Variants in RBFOX2 observed in about 807,000 individuals in gnomAD.
The protein encoded by RBFOX2 is RNA binding fox-1 homolog 2.
A neutral mutation model predicts 49.1 loss-of-function variants in RBFOX2; 10 were observed. The ratio of observed to expected loss-of-function variants is 0.20; its 90% CI spans 0.13 to 0.35. The LOEUF is 0.35. Among genes scored for constraint, RBFOX2 ranks in the 10% least tolerant of loss-of-function variants. The pLI is 1.00. For missense variants in RBFOX2, 323 were observed against 486.9 expected, an observed-to-expected ratio of 0.66 and a Z score of 3.17; for synonymous variants, 183 against 187.4, an observed-to-expected ratio of 0.98 and a Z score of 0.19.
At chr22:35,767,296 TTTTC>T (rs1406899811) in intron 5 of RBFOX2, among the ~76,000 whole-genome samples, 1 of 152,146 alleles carries the variant, frequency 6.6e-6, no homozygotes, top group Non-Finnish European at 1.5e-5. Context: ...CAGATGGACT[TTTTC>T]TTTCTTATTT....
chr22:35,868,077 T>C (rs1178655503), intron 1 of RBFOX2, among the ~76,000 whole-genome samples: 1 of 151,578 alleles, frequency 6.6e-6, no homozygotes, highest in Non-Finnish European at 1.5e-5. Flanking sequence ...CTGGGTGTGG[T>C]GGTGTGAGCC....
chr22:36,013,648 C>CAGAGAG (rs373268996), intron 1 of RBFOX2, among the ~76,000 whole-genome samples: 27 of 147,974 alleles, frequency 1.8e-4, no homozygotes, highest in African/African-American at 6.2e-4. Flanking sequence ...CACACACACA[C>CAGAGAG]AGAGAGAGAG....
chr22:35,926,127 GT>G (rs1332562160), intron 1 of RBFOX2, among the ~76,000 whole-genome samples: 2 of 152,150 alleles, frequency 1.3e-5, no homozygotes, highest in Non-Finnish European at 2.9e-5. Flanking sequence ...TAATTAGTTG[GT>G]TTCATTCTAA....
At chr22:35,977,136 T>C (rs1439106561) in intron 1 of RBFOX2, among the ~76,000 whole-genome samples, 2 of 151,854 alleles carry the variant, frequency 1.3e-5, no homozygotes, top group African/African-American at 2.4e-5. Context: ...CGAAGAGATA[T>C]CCATTATATA....
At chr22:36,009,802 T>G (rs923122427) in intron 1 of RBFOX2, among the ~76,000 whole-genome samples, 1 of 152,222 alleles carries the variant, frequency 6.6e-6, no homozygotes, top group Admixed American at 6.5e-5. Flanking sequence ...TTCACATATA[T>G]TCTGTGACTA....
At chr22:35,962,033 G>C (rs1010342826), upstream of RBFOX2, among the ~76,000 whole-genome samples, 2 of 152,120 alleles carry the variant, frequency 1.3e-5, no homozygotes, top group African/African-American at 4.8e-5. Context: ...CTCCCAACAG[G>C]AGAATTTTTA....
At chr22:35,961,549 A>G (rs1603458893) in intron 1 of RBFOX2, 1 of 1,303,318 alleles carries the variant, frequency 7.7e-7, no homozygotes. Context: ...CCACACACCC[A>G]ACTCCCCACC....
chr22:35,995,340 T>C (rs894143562), intron 1 of RBFOX2: 1 of 152,200 alleles, frequency 6.6e-6, no homozygotes, highest in African/African-American at 2.4e-5. Context: ...AACATTTGCC[T>C]TTCTCCAAAC....
At chr22:36,016,070 G>C (rs2059022257) in intron 1 of RBFOX2, among the ~76,000 whole-genome samples, 1 of 152,042 alleles carries the variant, frequency 6.6e-6, no homozygotes, top group African/African-American at 2.4e-5. Context: ...TCCTGTCTCA[G>C]AACAAGCCAC....
chr22:35,803,776 A>C (rs1436041995), intron 2 of RBFOX2, among the ~76,000 whole-genome samples: 2 of 151,450 alleles, frequency 1.3e-5, no homozygotes, highest in South Asian at 4.2e-4. Context: ...AACTGAAAGA[A>C]AAAAAATCAC....
At chr22:36,008,041 G>T (rs2058682965) in intron 1 of RBFOX2, among the ~76,000 whole-genome samples, 1 of 152,184 alleles carries the variant, frequency 6.6e-6, no homozygotes, top group African/African-American at 2.4e-5. Context: ...ATTCCTGGAA[G>T]TGGAACTGTT....
chr22:35,983,443 C>A (rs2057556108), intron 1 of RBFOX2, among the ~76,000 whole-genome samples: 1 of 151,978 alleles, frequency 6.6e-6, no homozygotes, highest in African/African-American at 2.4e-5. Flanking sequence ...CATTTTTTTA[C>A]CTGGATTTTT....
chr22:35,981,729 TAGGAA>T (rs2057465387), intron 1 of RBFOX2, among the ~76,000 whole-genome samples: 2 of 152,188 alleles, frequency 1.3e-5, no homozygotes, highest in South Asian at 4.1e-4. Flanking sequence ...GTCAATCCCT[TAGGAA>T]AATTGAATAT....
chr22:35,867,194 A>T (rs2043793145), intron 1 of RBFOX2, among the ~76,000 whole-genome samples: 1 of 152,220 alleles, frequency 6.6e-6, no homozygotes, highest in Admixed American at 6.5e-5. Context: ...AGATATATTC[A>T]CTACCTTTCC....
intron 1 of RBFOX2, among the ~76,000 whole-genome samples, chr22:36,016,933 A>T (rs1268477236): frequency 6.6e-6 from 1 of 152,158 alleles, no homozygotes; most frequent in Non-Finnish European, 1.5e-5. Flanking sequence ...ATTCATTTAG[A>T]ATAGAAAAGG....
rs1040275757 is a variant in RBFOX2, at chr22:35,777,909, T to C, written c.453+116A>G. ...AGATAATCTAAACCAAGGTGGATAA[T>C]TAGGATACTTTTATGCAGGCTTGAA... On this transcript the variant is annotated intron_variant, in intron 4 of 11. Transcript: ENST00000405409. 3.8e-6 allele frequency: 4 copies of C among 1,054,992 alleles called. No homozygotes were observed. In the African/African-American group the frequency reaches 6.5e-5, roughly 17 times the overall value. 65.4% of individuals were successfully genotyped at this position (1,054,992 alleles called of 1,614,324 possible). A position where few individuals can be genotyped will look rare whatever the true frequency, so the allele number is the denominator to read the frequency against.
At chr22:35,938,746 T>G in intron 1 of RBFOX2, 101 bp downstream of exon 2, 1 of 1,156,800 alleles carries the variant, frequency 8.6e-7, no homozygotes, top group Non-Finnish European at 1.3e-6. Context: ...ACATTTCCTT[T>G]CAAAGTAAGT....
Position 35,759,204 on chromosome 22 carries a change from ACT to A in RBFOX2, c.887+682_887+683del, listed in dbSNP as rs1452035655. On this transcript the variant is annotated intron_variant, in intron 9 of 11. Transcript: ENST00000405409. The surrounding 1 kb of genome is among the most constrained non-coding windows in gnomAD (Gnocchi z 4.6). ...TTATTTGTTGCTATGGAATCATTCC[ACT>A]GCATGAGACACCCTCCATAAAAAAA... 3.9e-5 allele frequency among the ~76,000 whole-genome samples: 6 copies of A among 152,126 alleles called. No individual in the cohort carries two copies. The highest frequency in any genetic ancestry group is 6.5e-5 in the Admixed American group (1 of 15,270).
rs867787462 is a variant in RBFOX2, at chr22:35,908,905, T to C, written c.-34+29942A>G. Among the ~76,000 whole-genome samples the C allele has an allele frequency of 1.6e-4, 24 of 151,562 alleles. 1 individual carries two copies. The South Asian group carries it at 3.4e-3, about 21-fold the overall frequency. ...TCACCCAGGCTGGAGTGCAGTGGCA[T>C]GATCTCAGCTCACTGCAACCTCCAC... is the stretch of plus-strand genomic sequence containing the variant. On this transcript the variant is annotated intron_variant, in intron 1 of 13. Coordinates refer to the RBFOX2 transcript ENST00000359369.
Sources: allele counts gnomAD v4.1 joint callset (sites outside exome capture counted in the v4.1 genomes callset), GRCh38; gene constraint gnomAD v4.1.1; non-coding constraint Gnocchi (gnomAD v3.1); transcripts MANE v1.5; gene names NCBI Gene and HGNC (gene_info 2026-07-23, HGNC 2026-07-21).